The following BIN2 variants were observed in gnomAD, a reference collection of about 807,000 sequenced individuals.
BIN2 encodes the protein breast cancer associated protein BRAP1.
BIN2 carries 43 observed loss-of-function variants against 67.9 expected under a neutral mutation model. That is an observed-to-expected ratio of 0.63 (90% CI 0.50 to 0.82). The LOEUF (loss-of-function observed/expected upper bound fraction) is 0.82, where lower values mean the gene tolerates loss of function less well. Ranked by LOEUF, BIN2 falls within the 40% of genes least tolerant of loss-of-function variation. The pLI is 0.00. For missense variants in BIN2, 581 were observed against 671.6 expected (o/e 0.87, Z 1.49); for synonymous variants, 244 against 246.8 (o/e 0.99, Z 0.11).
chr12:51,294,337 G>C (rs1454196221), intron 9 of BIN2, among the ~76,000 whole-genome samples: 1 of 152,220 alleles, frequency 6.6e-6, no homozygotes, highest in Non-Finnish European at 1.5e-5. Context: ...GGGAGGCCAA[G>C]GCGGGCGGAT....
chr12:51,293,095 T>C (rs1249046862), intron 9 of BIN2, among the ~76,000 whole-genome samples: 1 of 152,040 alleles, frequency 6.6e-6, no homozygotes, highest in Non-Finnish European at 1.5e-5. Flanking sequence ...TGTTGGGTGG[T>C]TGATGAAAAT....
chr12:51,302,447 C>T, intron 4 of BIN2: 1 of 536,364 alleles, frequency 1.9e-6, no homozygotes. Flanking sequence ...TAAAACTTCC[C>T]ATAATGTTTT....
At chr12:51,314,662 G>A (rs989981836) in intron 1 of BIN2, among the ~76,000 whole-genome samples, 5 of 151,940 alleles carry the variant, frequency 3.3e-5, no homozygotes, top group Admixed American at 3.3e-4. Flanking sequence ...AGCTGGGCAT[G>A]GTGGTGCATG....
chr12:51,313,988 A>C (rs1401085630), intron 1 of BIN2, 85 bp from the exon 2 acceptor site: 1 of 850,474 alleles, frequency 1.2e-6, no homozygotes, highest in African/African-American at 1.7e-5. Flanking sequence ...GCTTCAGTCA[A>C]GAATCTCACT....
intron 1 of BIN2, among the ~76,000 whole-genome samples, chr12:51,321,565 G>A (rs6580824): frequency 0.54 from 81,402 of 151,678 alleles, 21,963 homozygotes; most frequent in Non-Finnish European, 0.56. Context: ...ACACCCGGCT[G>A]ATTTTGTATT....
rs1485858286 is a variant in BIN2 at position 51,299,090 on chromosome 12, G to T, written c.602+113C>A. The T allele has an allele frequency of 6.3e-5, 39 of 619,558 alleles. 1 individual carries two copies. The highest frequency in any genetic ancestry group is 4.2e-4 in the Admixed American group (13 of 31,308). 38.4% of individuals were successfully genotyped at this position (619,558 alleles called of 1,614,324 possible). The stretch of plus-strand genomic sequence containing the variant: ...ACCCTGTCTCGAAAAAAAAAAAAAG[G>T]GGGCGGGGCAGTGTGGGAATTTAAA... On this transcript the variant is annotated intron_variant, in intron 7 of 12. Coordinates refer to ENST00000615107, the MANE Select transcript of BIN2 (RefSeq NM_016293.4).
In BIN2 at chr12:51,281,519, T is replaced by C; in HGVS notation, c.1678A>G (p.Ser560Gly). 2.5e-6 allele frequency: 4 copies of C among 1,614,162 alleles called. No homozygotes were observed. Among genetic ancestry groups the C allele is most frequent in the Non-Finnish European group, 3.4e-6 (4 of 1,180,014 alleles). ...TCTCTTCAGAGTTGTGGATTTTCAC[T>C]TGTGGATACCTGGAAAGTAAACATG... ...APEPQEEVST[S>G]ENPQL is the part of the protein sequence containing the mutation. Residue 560 changes from serine to glycine, a missense_variant, in exon 13 of 13, where the codon AGT (serine) becomes GGT (glycine). Physicochemically the swap from Ser to Gly is moderately conservative, Grantham distance 56. Transcript: ENST00000615107.
chr12:51,288,900 C>T (rs1181058426), intron 10 of BIN2, among the ~76,000 whole-genome samples: 1 of 152,042 alleles, frequency 6.6e-6, no homozygotes, highest in African/African-American at 2.4e-5. Context: ...CGGCACACAC[C>T]ACCATGCCCA....
intron 9 of BIN2, among the ~76,000 whole-genome samples, chr12:51,294,626 C>T (rs895014284): frequency 6.0e-5 from 9 of 151,018 alleles, no homozygotes; most frequent in Admixed American, 2.6e-4. Context: ...TTTATGTGTG[C>T]ATGTATGTGT....
chr12:51,296,572 G>A (rs1447699923), intron 8 of BIN2, among the ~76,000 whole-genome samples: 1 of 151,906 alleles, frequency 6.6e-6, no homozygotes. Flanking sequence ...AAACTATGGA[G>A]AGTAGTATGT....
rs1274809596 is a variant in BIN2, at chr12:51,288,147, C to T, written c.1557G>A (p.Lys519=). ...CTGAGATAAGCTTATTATCCTTTTC[C>T]TTGTCTTCCATCTTCTTTGCCTCTC... ...EPGEAKKMED[K]EKDNKLISAN... is the part of the protein sequence containing the mutation. The change falls in exon 11 of 13, where the codon AAG becomes AAA. Residue 519 remains lysine (K), a synonymous_variant. Coordinates refer to ENST00000615107, the MANE Select transcript of BIN2 (RefSeq NM_016293.4). 2 of 1,613,904 alleles carry T rather than the reference C, an allele frequency of 1.2e-6. No individual in the cohort carries two copies. The highest frequency in any genetic ancestry group is 8.5e-7 in the Non-Finnish European group (1 of 1,179,842).
chr12:51,285,097 G>GTATC (rs1166903710), intron 11 of BIN2, among the ~76,000 whole-genome samples: 1 of 152,182 alleles, frequency 6.6e-6, no homozygotes, highest in Non-Finnish European at 1.5e-5. Context: ...GTGTGGATGT[G>GTATC]TATCTATAAG....
chr12:51,316,355 G>C (rs558229127), intron 1 of BIN2, among the ~76,000 whole-genome samples: 5 of 151,596 alleles, frequency 3.3e-5, no homozygotes, highest in Non-Finnish European at 7.4e-5. Flanking sequence ...AATTAGCCGG[G>C]AGTGGTGGCA....
intron 12 of BIN2, among the ~76,000 whole-genome samples, chr12:51,283,403 T>C (rs574752561): frequency 1.3e-5 from 2 of 152,180 alleles, no homozygotes; most frequent in Non-Finnish European, 2.9e-5. Flanking sequence ...GAAGACCTTC[T>C]AGTGGGACAA....
rs994468460 is a variant in BIN2 at position 51,299,271 on chromosome 12, G to T, written c.534C>A (p.Asn178Lys). ...AKTAKAEEEFNKAQTVFEDLN... is the reference protein window; with the variant it reads ...AKTAKAEEEFKKAQTVFEDLN... Reference sequence around the variant, plus strand: ...GATCTTCAAACACAGTCTGGGCTTTGTTGAACTCTTCCTCTGCCTAGGTGG... The same window carrying T: ...GATCTTCAAACACAGTCTGGGCTTTTTTGAACTCTTCCTCTGCCTAGGTGG... Residue 178 changes from asparagine to lysine, a missense_variant, in exon 7 of 13, where the codon AAC becomes AAA. Asn to Lys is a moderately conservative substitution (Grantham distance 94). Transcript: ENST00000615107. The T allele has an allele frequency of 1.9e-6, 3 of 1,613,716 alleles. No homozygotes were observed. The highest frequency in any genetic ancestry group is 1.7e-6 in the Non-Finnish European group (2 of 1,179,652).
chr12:51,323,974 G>A, intron 1 of BIN2, 48 bp downstream of exon 1: 1 of 1,603,886 alleles, frequency 6.2e-7, no homozygotes, highest in Non-Finnish European at 8.5e-7. Flanking sequence ...CTCGGCCTCG[G>A]CCTCGGCTCC....
At chr12:51,294,592 C>A (rs950657405) in intron 9 of BIN2, among the ~76,000 whole-genome samples, 2 of 151,664 alleles carry the variant, frequency 1.3e-5, no homozygotes, top group South Asian at 4.2e-4. Flanking sequence ...AAAAAAAACC[C>A]CCCAAAAACA....
chr12:51,303,096 C>A lies in BIN2; in HGVS notation c.208G>T (p.Ala70Ser). 1 of 1,614,134 alleles carries A rather than the reference C, an allele frequency of 6.2e-7. No individual in the cohort carries two copies. Residue 70 changes from alanine to serine, a missense_variant, in exon 3 of 13, where the codon GCA becomes TCA. Coordinates refer to ENST00000615107, the MANE Select transcript of BIN2 (RefSeq NM_016293.4). ...LYKDLKNFLSAVKVMHESSKR... is the reference protein window; with the variant it reads ...LYKDLKNFLSSVKVMHESSKR... ...ATGCTGCATTGCCCACCTTTGACTGCACTAAGGAAGTTCTTCAGGTCCTTG... is the reference window on the plus strand; with the variant it reads ...ATGCTGCATTGCCCACCTTTGACTGAACTAAGGAAGTTCTTCAGGTCCTTG...
intron 4 of BIN2, chr12:51,302,354 T>C (rs1945748097): frequency 1.9e-6 from 1 of 538,338 alleles, no homozygotes; most frequent in East Asian, 3.2e-5. Context: ...GTCAAAGCCT[T>C]GGACTCCAGA....
Sources: gnomAD v4.1 joint callset for allele counts (sites outside exome capture counted in the v4.1 genomes callset) on GRCh38, gnomAD v4.1.1 for gene constraint, MANE v1.5 for transcripts, NCBI Gene and HGNC (gene_info 2026-07-23, HGNC 2026-07-21) for gene names.